The following FOXN3 variants were observed in gnomAD, a reference collection of about 807,000 sequenced individuals.
FOXN3 encodes the protein forkhead box protein N3.
In FOXN3, 7 loss-of-function variants were observed where a neutral mutation model predicts 38.4. That is an observed-to-expected ratio of 0.18 (90% CI 0.10 to 0.34). FOXN3 has a LOEUF of 0.34. Among genes scored for constraint, FOXN3 ranks in the 10% least tolerant of loss-of-function variants. The pLI is 1.00. For synonymous variants in FOXN3, 230 were observed against 242.2 expected, an observed-to-expected ratio of 0.95 and a Z score of 0.47; for missense variants, 456 against 613.4, an observed-to-expected ratio of 0.74 and a Z score of 2.71.
chr14:89,267,016 T>C (rs1489080222), intron 4 of FOXN3, among the ~76,000 whole-genome samples: 1 of 152,128 alleles, frequency 6.6e-6, no homozygotes, highest in Non-Finnish European at 1.5e-5. Flanking sequence ...GGAAAAGTGA[T>C]GAAGCAGGAT....
intron 1 of FOXN3, among the ~76,000 whole-genome samples, chr14:89,492,639 G>A (rs1893605178): frequency 6.6e-6 from 1 of 152,178 alleles, no homozygotes; most frequent in South Asian, 2.1e-4. Context: ...TAGAGCCCAA[G>A]AGGCAGAGGT....
intron 3 of FOXN3, among the ~76,000 whole-genome samples, chr14:89,283,010 G>C (rs1387523759): frequency 2.0e-5 from 3 of 152,208 alleles, no homozygotes; most frequent in Non-Finnish European, 4.4e-5. Context: ...GTAGTGGAGA[G>C]AGACTTGGAC....
chr14:89,618,048 G>C (rs1896525630), intron 1 of FOXN3, among the ~76,000 whole-genome samples: 1 of 152,180 alleles, frequency 6.6e-6, no homozygotes, highest in South Asian at 2.1e-4. Flanking sequence ...GTCTTCCTTA[G>C]CTAAGGAAAA....
chr14:89,249,962 GACATGCT>G (rs1461504739), intron 4 of FOXN3, among the ~76,000 whole-genome samples: 1 of 152,202 alleles, frequency 6.6e-6, no homozygotes, highest in African/African-American at 2.4e-5. Flanking sequence ...TCCATCAGTT[GACATGCT>G]ACCTGTGGGT....
intron 4 of FOXN3, among the ~76,000 whole-genome samples, chr14:89,278,079 T>C (rs1886350701): frequency 6.6e-6 from 1 of 152,110 alleles, no homozygotes; most frequent in Admixed American, 6.5e-5. Flanking sequence ...ACTGTATTAG[T>C]CCATTTTCAC....
At chr14:89,348,184 C>T (rs1286436221) in intron 3 of FOXN3, among the ~76,000 whole-genome samples, 1 of 152,000 alleles carries the variant, frequency 6.6e-6, no homozygotes, top group East Asian at 1.9e-4. Context: ...TGCTAAGTAC[C>T]AGCCCCATGA....
intron 3 of FOXN3, among the ~76,000 whole-genome samples, chr14:89,332,735 C>T (rs1272908170): frequency 6.6e-6 from 1 of 152,004 alleles, no homozygotes; most frequent in Non-Finnish European, 1.5e-5. Context: ...TTTTGTACAG[C>T]AAAGGAAATA....
chr14:89,241,207 G>A (rs8022681), intron 4 of FOXN3, among the ~76,000 whole-genome samples: 3,424 of 152,246 alleles, frequency 0.022, 129 homozygotes, highest in African/African-American at 0.078. Flanking sequence ...CAACCCAAAC[G>A]TTTAGACCGA....
chr14:89,504,007 A>G (rs1348857393), intron 1 of FOXN3, among the ~76,000 whole-genome samples: 1 of 151,910 alleles, frequency 6.6e-6, no homozygotes, highest in Non-Finnish European at 1.5e-5. Context: ...GACAGCAGAG[A>G]CTCTCCTCCT....
At chr14:89,464,949 G>A (rs529706470) in intron 1 of FOXN3, among the ~76,000 whole-genome samples, 8 of 152,034 alleles carry the variant, frequency 5.3e-5, no homozygotes, top group Non-Finnish European at 7.4e-5. Context: ...GCCCACCTTG[G>A]CCACCCAAAG....
At chr14:89,425,062 CTTTTTTTTTTTT>C (rs3994032) in intron 1 of FOXN3, among the ~76,000 whole-genome samples, 2 of 104,220 alleles carry the variant, frequency 1.9e-5, no homozygotes, top group South Asian at 3.2e-4. Context: ...GTTTTCTTTT[CTTTTTTTTTTTT>C]TTTTTTTTGA....
At chr14:89,453,623 T>C (rs1325338285) in intron 1 of FOXN3, among the ~76,000 whole-genome samples, 4 of 150,318 alleles carry the variant, frequency 2.7e-5, no homozygotes, top group Non-Finnish European at 5.9e-5. Flanking sequence ...CATAAATATG[T>C]ACGACCATCG....
chr14:89,496,945 A>G (rs8015362), intron 1 of FOXN3, among the ~76,000 whole-genome samples: 25,536 of 152,000 alleles, frequency 0.17, 5,111 homozygotes, highest in African/African-American at 0.49. Context: ...ATGTTGTAGC[A>G]TGTGTCAGAA....
chr14:89,600,208 C>T (rs1896130416), intron 1 of FOXN3, among the ~76,000 whole-genome samples: 1 of 152,138 alleles, frequency 6.6e-6, no homozygotes, highest in South Asian at 2.1e-4. Context: ...ATTTATCAAA[C>T]CAGGATGTTC....
At chr14:89,286,540 G>A (rs1188190201) in intron 3 of FOXN3, among the ~76,000 whole-genome samples, 2 of 152,084 alleles carry the variant, frequency 1.3e-5, no homozygotes, top group East Asian at 1.9e-4. Flanking sequence ...CAATCCCTTC[G>A]GATGGGTGAC....
intron 4 of FOXN3, among the ~76,000 whole-genome samples, chr14:89,269,711 G>A (rs75822552): frequency 2.5e-3 from 379 of 152,152 alleles, no homozygotes; most frequent in African/African-American, 8.4e-3. Context: ...TTTGACATTG[G>A]AGGGCCAAAA....
intron 1 of FOXN3, among the ~76,000 whole-genome samples, chr14:89,439,657 C>CT (rs35535565): frequency 0.28 from 38,019 of 136,126 alleles, 5,748 homozygotes; most frequent in East Asian, 0.57. Flanking sequence ...TCTTTTATTC[C>CT]TTTTTTTTTT....
intron 1 of FOXN3, among the ~76,000 whole-genome samples, chr14:89,609,974 G>T (rs890216002): frequency 6.6e-6 from 1 of 152,120 alleles, no homozygotes; most frequent in African/African-American, 2.4e-5. Flanking sequence ...AGAAAAAAAT[G>T]AGGGCCCTTA....
intron 4 of FOXN3, among the ~76,000 whole-genome samples, chr14:89,271,413 C>A (rs1309232898): frequency 2.0e-5 from 3 of 152,130 alleles, no homozygotes; most frequent in Non-Finnish European, 4.4e-5. Flanking sequence ...GTTGTTTAAT[C>A]TTTATATTTT....
Sources: allele counts gnomAD v4.1 joint callset (sites outside exome capture counted in the v4.1 genomes callset), GRCh38; gene constraint gnomAD v4.1.1; transcripts MANE v1.5; gene names NCBI Gene and HGNC (gene_info 2026-07-23, HGNC 2026-07-21).